Variants in EYS observed in about 807,000 individuals in gnomAD.
EYS encodes EGF-like photoreceptor maintenance factor.
A neutral mutation model predicts 282.1 loss-of-function variants in EYS; 250 were observed. That is an observed-to-expected ratio of 0.89 (90% CI 0.80 to 0.98). The LOEUF (loss-of-function observed/expected upper bound fraction) is 0.98. Ranked by LOEUF, EYS falls within the 50% of genes least tolerant of loss-of-function variation. EYS has a pLI of 0.00. For synonymous variants in EYS, 1,355 were observed against 1,282.9 expected (o/e 1.06, Z -1.20); for missense variants, 4,016 against 3,709.0 (o/e 1.08, Z -2.15).
chr6:65,029,365 A>T (rs1036406451), intron 13 of EYS, among the ~76,000 whole-genome samples: 2 of 152,184 alleles, frequency 1.3e-5, no homozygotes, highest in Admixed American at 1.3e-4. Flanking sequence ...ATTGATATAC[A>T]TACATTTATA....
intron 12 of EYS, among the ~76,000 whole-genome samples, chr6:65,174,446 C>T (rs1347712888): frequency 6.6e-6 from 1 of 151,272 alleles, no homozygotes; most frequent in Non-Finnish European, 1.5e-5. Context: ...CTTTAACATT[C>T]TACAAATTCC....
At chr6:65,393,541 T>C (rs1176037087) in intron 7 of EYS, among the ~76,000 whole-genome samples, 1 of 152,150 alleles carries the variant, frequency 6.6e-6, no homozygotes, top group African/African-American at 2.4e-5. Context: ...AAATATAATT[T>C]TATTATATGT....
At chr6:64,557,207 CACACACACAT>C (rs1324302032) in intron 26 of EYS, among the ~76,000 whole-genome samples, 3 of 95,380 alleles carry the variant, frequency 3.1e-5, no homozygotes, top group East Asian at 5.8e-4. Flanking sequence ...CACAGATACA[CACACACACAT>C]ACACACACAC....
At chr6:65,191,236 A>T (rs1158301980) in intron 12 of EYS, among the ~76,000 whole-genome samples, 5 of 151,812 alleles carry the variant, frequency 3.3e-5, no homozygotes, top group African/African-American at 1.2e-4. Context: ...TTATGTGAGG[A>T]TCTGTTAAAT....
chr6:63,979,030 TG>T (rs1766972695), intron 35 of EYS, among the ~76,000 whole-genome samples: 1 of 151,996 alleles, frequency 6.6e-6, no homozygotes, highest in Admixed American at 6.6e-5. Context: ...TTGCTTAATA[TG>T]GAAAAATTAT....
At chr6:65,403,711 A>G (rs1406545531) in intron 6 of EYS, among the ~76,000 whole-genome samples, 1 of 152,004 alleles carries the variant, frequency 6.6e-6, no homozygotes, top group Non-Finnish European at 1.5e-5. Context: ...AATAGAGAAT[A>G]TAAATAATGA....
chr6:65,510,140 T>G (rs1368159193), intron 2 of EYS, among the ~76,000 whole-genome samples: 1 of 150,556 alleles, frequency 6.6e-6, no homozygotes, highest in Non-Finnish European at 1.5e-5. Flanking sequence ...CATCTAGCAT[T>G]AGGTATATCT....
intron 31 of EYS, among the ~76,000 whole-genome samples, chr6:64,112,529 A>G (rs952605262): frequency 1.3e-5 from 2 of 151,870 alleles, no homozygotes; most frequent in African/African-American, 2.4e-5. Context: ...GTTAGTTAAC[A>G]TACCCACCAT....
intron 11 of EYS, among the ~76,000 whole-genome samples, chr6:65,322,519 G>A (rs539201038): frequency 0.026 from 4,008 of 151,998 alleles, 134 homozygotes; most frequent in African/African-American, 0.088. Context: ...AGGCCAGGAC[G>A]GGCGCAGTGG....
At chr6:64,810,708 T>C (rs1764566881) in intron 22 of EYS, among the ~76,000 whole-genome samples, 1 of 152,038 alleles carries the variant, frequency 6.6e-6, no homozygotes, top group Non-Finnish European at 1.5e-5. Context: ...TTTAATAAAA[T>C]AGTTTTCCTT....
chr6:64,917,954 G>T (rs886322021), intron 15 of EYS, among the ~76,000 whole-genome samples: 1 of 151,978 alleles, frequency 6.6e-6, no homozygotes, highest in East Asian at 1.9e-4. Flanking sequence ...TCTTTTTAGT[G>T]TCCTACAAAT....
chr6:64,094,304 T>A (rs1418156556), intron 31 of EYS, among the ~76,000 whole-genome samples: 1 of 152,208 alleles, frequency 6.6e-6, no homozygotes, highest in Non-Finnish European at 1.5e-5. Context: ...TTTTTTCTAT[T>A]AATTGGAATA....
At chr6:65,593,899 T>C (rs1031951289) in intron 2 of EYS, among the ~76,000 whole-genome samples, 10 of 151,932 alleles carry the variant, frequency 6.6e-5, no homozygotes, top group Non-Finnish European at 1.3e-4. Context: ...ACTTTTCCAA[T>C]ACTGAGTCTA....
intron 28 of EYS, among the ~76,000 whole-genome samples, chr6:64,398,232 A>G (rs1773437106): frequency 6.6e-6 from 1 of 151,986 alleles, no homozygotes; most frequent in African/African-American, 2.4e-5. Context: ...CAAGTTTTAA[A>G]CTTGAACACG....
intron 19 of EYS, among the ~76,000 whole-genome samples, chr6:64,829,092 G>A (rs1192477057): frequency 3.3e-5 from 5 of 151,956 alleles, no homozygotes; most frequent in African/African-American, 1.2e-4. Context: ...GGACTGGAAG[G>A]CAAAATATAA....
intron 12 of EYS, among the ~76,000 whole-genome samples, chr6:65,148,278 T>C (rs1178930542): frequency 6.6e-6 from 1 of 152,124 alleles, no homozygotes; most frequent in Non-Finnish European, 1.5e-5. Flanking sequence ...GTTAATTCCT[T>C]GGTACAATGG....
intron 30 of EYS, among the ~76,000 whole-genome samples, chr6:64,243,553 C>T (rs548156316): frequency 6.6e-6 from 1 of 152,244 alleles, no homozygotes; most frequent in East Asian, 1.9e-4. Flanking sequence ...AAGGAAGCAT[C>T]GAAAATCTTC....
intron 36 of EYS, among the ~76,000 whole-genome samples, chr6:63,862,422 T>TAA (rs200129282): frequency 4.7e-5 from 7 of 149,908 alleles, no homozygotes; most frequent in South Asian, 4.2e-4. Context: ...AATCTTTTTT[T>TAA]AAAAAAAAAA....
At chr6:65,406,052 TTA>T (rs1241067532) in intron 5 of EYS, among the ~76,000 whole-genome samples, 1 of 152,082 alleles carries the variant, frequency 6.6e-6, no homozygotes, top group Non-Finnish European at 1.5e-5. Context: ...TGTGTCAGAT[TTA>T]TGTTTCTCCA....
Sources: gnomAD v4.1 joint callset for allele counts (sites outside exome capture counted in the v4.1 genomes callset) on GRCh38, gnomAD v4.1.1 for gene constraint, MANE v1.5 for transcripts, NCBI Gene and HGNC (gene_info 2026-07-23, HGNC 2026-07-21) for gene names.